Variants in ERC1 observed in about 807,000 individuals in gnomAD.
ERC1 encodes the protein RAB6 interacting protein 2.
In ERC1, 56 loss-of-function variants were observed where a neutral mutation model predicts 132.0. That is an observed-to-expected ratio of 0.42 (90% CI 0.34 to 0.53). The LOEUF (loss-of-function observed/expected upper bound fraction) is 0.53, where lower values mean the gene tolerates loss of function less well. Among genes scored for constraint, ERC1 ranks in the 20% least tolerant of loss-of-function variants. The probability of loss-of-function intolerance (pLI) is 0.03; values close to 1 mark genes in which losing one functional copy is unlikely to be tolerated. For missense variants in ERC1, 1,202 were observed against 1,349.9 expected (o/e 0.89, Z 1.72); for synonymous variants, 478 against 476.1 (o/e 1.00, Z -0.05).
chr12:1,076,943 A>G (rs1383427189), intron 2 of ERC1, among the ~76,000 whole-genome samples: 4 of 152,242 alleles, frequency 2.6e-5, no homozygotes, highest in African/African-American at 9.6e-5. Flanking sequence ...GGATAAGCAT[A>G]CAGCCCTGGG....
At chr12:1,149,051 TA>T (rs1312452951) in intron 8 of ERC1, among the ~76,000 whole-genome samples, 1 of 152,136 alleles carries the variant, frequency 6.6e-6, no homozygotes, top group African/African-American at 2.4e-5. Flanking sequence ...TGTTGGCTGA[TA>T]AAATAGAGAT....
intron 18 of ERC1, among the ~76,000 whole-genome samples, chr12:1,452,561 C>T (rs906622535): frequency 1.2e-4 from 18 of 152,230 alleles, no homozygotes; most frequent in African/African-American, 4.3e-4. Flanking sequence ...TTTGTAACTA[C>T]CATTATGTAT....
At chr12:1,430,949 C>G (rs1428581293) in intron 17 of ERC1, among the ~76,000 whole-genome samples, 1 of 152,140 alleles carries the variant, frequency 6.6e-6, no homozygotes, top group Non-Finnish European at 1.5e-5. Context: ...TGTTTATTAT[C>G]AAGAAGCTCT....
At chr12:1,153,130 C>G (rs1197535345) in intron 8 of ERC1, 3 of 152,238 alleles carry the variant, frequency 2.0e-5, no homozygotes, top group African/African-American at 7.2e-5. Context: ...GTCATCTTTC[C>G]ATTTCCTACT....
chr12:1,292,798 G>T (rs2079548932), intron 15 of ERC1, among the ~76,000 whole-genome samples: 1 of 151,702 alleles, frequency 6.6e-6, no homozygotes, highest in African/African-American at 2.4e-5. Flanking sequence ...ATCACCTGAG[G>T]TCAGGAGTTC....
intron 14 of ERC1, among the ~76,000 whole-genome samples, chr12:1,283,386 C>T (rs1338777297): frequency 2.0e-5 from 3 of 152,142 alleles, no homozygotes; most frequent in African/African-American, 7.2e-5. Flanking sequence ...TTCTACTCAT[C>T]GGTCTTTACC....
At chr12:1,157,521 A>G (rs995998403) in intron 8 of ERC1, among the ~76,000 whole-genome samples, 2 of 152,118 alleles carry the variant, frequency 1.3e-5, no homozygotes, top group African/African-American at 4.8e-5. Context: ...TAAATAATCC[A>G]CCCCTTCTCT....
chr12:1,154,205 G>A (rs1951099373), intron 8 of ERC1, among the ~76,000 whole-genome samples: 1 of 146,904 alleles, frequency 6.8e-6, no homozygotes, highest in Non-Finnish European at 1.5e-5. Flanking sequence ...ATTCCATGGT[G>A]TGTGTGTGTA....
chr12:1,439,213 G>C (rs2093035468), intron 17 of ERC1, among the ~76,000 whole-genome samples: 1 of 152,166 alleles, frequency 6.6e-6, no homozygotes, highest in Admixed American at 6.5e-5. Context: ...GCCCAAGAAA[G>C]TGTGTTTGGA....
At chr12:1,477,373 T>C (rs1341798195) in intron 18 of ERC1, among the ~76,000 whole-genome samples, 3 of 152,196 alleles carry the variant, frequency 2.0e-5, no homozygotes, top group East Asian at 3.9e-4. Flanking sequence ...GGTAAACACA[T>C]TTCGCTAAGC....
At chr12:1,043,980 A>T (rs1231952563) in intron 2 of ERC1, among the ~76,000 whole-genome samples, 4 of 151,482 alleles carry the variant, frequency 2.6e-5, no homozygotes, top group African/African-American at 9.7e-5. Context: ...GCATTATATA[A>T]TTTTTTTTTG....
chr12:1,097,990 C>T (rs780178018), intron 3 of ERC1, among the ~76,000 whole-genome samples: 7 of 152,206 alleles, frequency 4.6e-5, no homozygotes, highest in Non-Finnish European at 1.0e-4. Flanking sequence ...GCTGGGATTA[C>T]AGGCGTGAGC....
At chr12:1,233,470 C>CA (rs60542316) in intron 12 of ERC1, among the ~76,000 whole-genome samples, 5,588 of 70,886 alleles carry the variant, frequency 0.079, 291 homozygotes, top group Non-Finnish European at 0.097. Context: ...GACCCTGTCT[C>CA]AAAAAAAAAA....
intron 16 of ERC1, chr12:1,391,479 C>G (rs1409641166): frequency 6.6e-6 from 1 of 152,524 alleles, no homozygotes; most frequent in Non-Finnish European, 1.5e-5. Flanking sequence ...TCCGACTCCA[C>G]CAGGAGACAC....
intron 7 of ERC1, among the ~76,000 whole-genome samples, chr12:1,127,025 AAT>A (rs1033418766): frequency 2.0e-5 from 3 of 149,590 alleles, no homozygotes; most frequent in African/African-American, 7.4e-5. Flanking sequence ...CTCAAAAATC[AAT>A]AGAGACTATA....
intron 18 of ERC1, among the ~76,000 whole-genome samples, chr12:1,474,040 A>G (rs1190639357): frequency 1.3e-5 from 2 of 152,200 alleles, no homozygotes; most frequent in African/African-American, 4.8e-5. Flanking sequence ...TGAAATTCCA[A>G]ACTAGGAAGT....
intron 18 of ERC1, among the ~76,000 whole-genome samples, chr12:1,476,575 G>A (rs755036969): frequency 2.5e-4 from 38 of 152,254 alleles, no homozygotes; most frequent in African/African-American, 5.3e-4. Flanking sequence ...GAAGAACTAC[G>A]AATGAAAACA....
chr12:1,043,603 T>G (rs1033143341), intron 2 of ERC1, among the ~76,000 whole-genome samples: 1 of 152,160 alleles, frequency 6.6e-6, no homozygotes, highest in African/African-American at 2.4e-5. Context: ...GTCTGCATAC[T>G]GAAAAGCTTT....
intron 18 of ERC1, chr12:1,480,693 G>T: frequency 3.6e-6 from 2 of 548,910 alleles, no homozygotes; most frequent in Non-Finnish European, 6.4e-6. Context: ...AGCCTAAAGG[G>T]GCCTGCCTTG....
Sources: gnomAD v4.1 joint callset for allele counts (sites outside exome capture counted in the v4.1 genomes callset) on GRCh38, gnomAD v4.1.1 for gene constraint, MANE v1.5 for transcripts, NCBI Gene and HGNC (gene_info 2026-07-23, HGNC 2026-07-21) for gene names.